CCDC186: variants seen among roughly 807,000 people sequenced by gnomAD.
CCDC186 encodes the protein coiled-coil domain containing 186.
Under a neutral mutation model 113.7 loss-of-function variants are expected in CCDC186, and 49 were observed. That is an observed-to-expected ratio of 0.43 (90% CI 0.34 to 0.55). The LOEUF (loss-of-function observed/expected upper bound fraction) is 0.55, where lower values mean the gene tolerates loss of function less well. Ranked by LOEUF, CCDC186 falls within the 20% of genes least tolerant of loss-of-function variation. The probability of loss-of-function intolerance (pLI) is 0.02; values close to 1 mark genes in which losing one functional copy is unlikely to be tolerated. For missense variants in CCDC186, 890 were observed against 1,011.1 expected (o/e 0.88, Z 1.62); for synonymous variants, 355 against 345.8 (o/e 1.03, Z -0.30).
At chr10:114,157,702 T>A (rs373973609) in intron 2 of CCDC186, 22 bp from the exon 3 acceptor site, 1 of 1,533,260 alleles carries the variant, frequency 6.5e-7, no homozygotes, top group African/African-American at 1.4e-5. Flanking sequence ...AAGGGCAGTG[T>A]ATGTAAAACA....
At chr10:114,145,821 G>C in intron 4 of CCDC186, 60 bp from the exon 5 acceptor site, 2 of 1,414,806 alleles carry the variant, frequency 1.4e-6, no homozygotes, top group Non-Finnish European at 1.9e-6. Context: ...GAAATGTATT[G>C]AAATACATGG....
At chr10:114,127,963 G>A (rs1469836710) in intron 13 of CCDC186, among the ~76,000 whole-genome samples, 1 of 152,160 alleles carries the variant, frequency 6.6e-6, no homozygotes, top group East Asian at 1.9e-4. Flanking sequence ...ACAAAGCAGA[G>A]AGGAGGAGGA....
chr10:114,129,987 G>A lies in CCDC186; in HGVS notation c.2102-16C>T. On this transcript the variant is annotated splice_polypyrimidine_tract_variant and intron_variant, in intron 12 of 15. Coordinates refer to ENST00000369287, the MANE Select transcript of CCDC186 (RefSeq NM_018017.4). ...TTTCTTCGTGCTATAGGAAAAAGAA[G>A]ATTATTCGTCACAATTATCAGGACC... 6.2e-7 allele frequency: 1 copy of A among 1,609,244 alleles called. No individual in the cohort carries two copies. Among genetic ancestry groups the A allele is most frequent in the Non-Finnish European group, 8.5e-7 (1 of 1,176,468 alleles).
chr10:114,137,337 G>T, intron 6 of CCDC186, 47 bp from the exon 7 acceptor site: 1 of 1,375,264 alleles, frequency 7.3e-7, no homozygotes. Flanking sequence ...GCAACGTGAT[G>T]AATGGTAAGA....
rs773450184 is a variant in CCDC186 at position 114,127,644 on chromosome 10, T to C, written c.2210A>G (p.Glu737Gly). Residue 737 changes from glutamate (E) to glycine (G), a missense_variant, in exon 14 of 16, where the codon GAA (glutamate) becomes GGA (glycine). Transcript: ENST00000369287. ...SGSLNARSSA[E>G]DRSPENTGSS... ...CCCAGTATTTTCTGGAGATCGATCT[T>C]CTGCACTGCTTCGAGCATTCAGGGA... 1 of 1,614,024 alleles carries C rather than the reference T, an allele frequency of 6.2e-7. No individual in the cohort carries two copies. Among genetic ancestry groups the C allele is most frequent in the South Asian group, 1.1e-5 (1 of 91,066 alleles).
rs1211470069 is a variant in CCDC186, at chr10:114,157,621, T to C, written c.692A>G (p.Asp231Gly). ...TTTCTTTAGTTCTTCTCTTAAATTG[T>C]CTTTTTCTGAACAAATGTCTACGAA... ...ELFVDICSEK[D>G]NLREELKKRT... The change falls in exon 3 of 16, where the codon GAC (aspartate) becomes GGC (glycine). Residue 231 changes from aspartate (D) to glycine (G), a missense_variant. Coordinates refer to ENST00000369287, the MANE Select transcript of CCDC186 (RefSeq NM_018017.4). The C allele has an allele frequency of 6.2e-7, 1 of 1,610,658 alleles. No individual in the cohort carries two copies. The highest frequency in any genetic ancestry group is 8.5e-7 in the Non-Finnish European group (1 of 1,178,554).
intron 1 of CCDC186, among the ~76,000 whole-genome samples, chr10:114,169,636 G>T (rs889290880): frequency 2.0e-5 from 3 of 151,996 alleles, no homozygotes; most frequent in Non-Finnish European, 4.4e-5. Flanking sequence ...TCAATATAAT[G>T]GTTTATTGTC....
intron 14 of CCDC186, among the ~76,000 whole-genome samples, chr10:114,126,933 C>T (rs572396493): frequency 6.6e-6 from 1 of 152,204 alleles, no homozygotes; most frequent in South Asian, 2.1e-4. Flanking sequence ...AGGTCTGTCA[C>T]ACAGGGGATG....
At chr10:114,167,963 G>C (rs2032384946) in intron 1 of CCDC186, among the ~76,000 whole-genome samples, 1 of 152,018 alleles carries the variant, frequency 6.6e-6, no homozygotes, top group Admixed American at 6.6e-5. Context: ...TCCAGCCTGA[G>C]CAAGAGTGAG....
chr10:114,134,401 G>A (rs1331338518), intron 10 of CCDC186, among the ~76,000 whole-genome samples: 1 of 152,174 alleles, frequency 6.6e-6, no homozygotes, highest in Non-Finnish European at 1.5e-5. Context: ...ATGATGGTAA[G>A]GATTTTTTTA....
At position 114,124,619 on chromosome 10, in the gene CCDC186, A is replaced by G. The variant is rs2119666630; in HGVS notation, c.*524T>C. 6.6e-6 allele frequency: 1 copy of G among 152,386 alleles called. No homozygotes were observed. The highest frequency in any genetic ancestry group is 1.5e-5 in the Non-Finnish European group (1 of 68,048). The allele number at this position is 152,386 out of a possible 1,614,324, so 9.4% of individuals were successfully genotyped here. On this transcript the variant is annotated 3_prime_UTR_variant, in exon 16 of 16. Transcript: ENST00000369287. ...TTTCCTATTAAGTTCAGCTTTCATT[A>G]AAACTGAAATTAAAAGATTTAAATA...
intron 1 of CCDC186, among the ~76,000 whole-genome samples, chr10:114,165,283 G>C (rs2032302244): frequency 1.3e-5 from 2 of 152,330 alleles, no homozygotes; most frequent in South Asian, 4.1e-4. Context: ...CAAATAAACG[G>C]AGTAAATAAA....
At position 114,134,920 on chromosome 10, in the gene CCDC186, G is replaced by A; in HGVS notation, c.1648C>T (p.Leu550Phe). 1.2e-6 allele frequency: 2 copies of A among 1,608,082 alleles called. No individual in the cohort carries two copies. Among genetic ancestry groups the A allele is most frequent in the Non-Finnish European group, 8.5e-7 (1 of 1,178,328 alleles). ...VKTADQLQEQ[L>F]QRGKQEIENL... ...AAGTTGCTCATTTTGTACCTTTGAA[G>A]CTGCTCCTGTAGCTGATCTGCAGTT... The change falls in exon 10 of 16, where the codon CTT becomes TTT. Residue 550 changes from leucine to phenylalanine, a missense_variant. By Grantham distance (22) the Leu-to-Phe change is conservative. Coordinates refer to ENST00000369287, the MANE Select transcript of CCDC186 (RefSeq NM_018017.4).
At chr10:114,145,500 G>C in intron 5 of CCDC186, 49 bp downstream of exon 5, 3 of 1,433,082 alleles carry the variant, frequency 2.1e-6, no homozygotes, top group Non-Finnish European at 2.8e-6. Flanking sequence ...AAAGCAAAGA[G>C]AACAAATTTC....
chr10:114,132,024 A>T lies in CCDC186; in HGVS notation c.1816T>A (p.Ser606Thr). ...TCAAATTGTGACTGCAAAGAATTGG[A>T]TTCAGACTGAAGCTGTGCATTCTTA... ...TSKNAQLQSESNSLQSQFDKV... is the reference protein window; with the variant it reads ...TSKNAQLQSETNSLQSQFDKV... Residue 606 changes from serine to threonine, a missense_variant, in exon 11 of 16, where the codon TCC becomes ACC. Physicochemically the swap from Ser to Thr is moderately conservative, Grantham distance 58 (BLOSUM62 1). Transcript: ENST00000369287. 1 of 1,613,414 alleles carries T rather than the reference A, an allele frequency of 6.2e-7. No homozygotes were observed. The highest frequency in any genetic ancestry group is 8.5e-7 in the Non-Finnish European group (1 of 1,179,704).
chr10:114,150,674 A>C (rs1422432214), intron 4 of CCDC186, among the ~76,000 whole-genome samples: 1 of 152,006 alleles, frequency 6.6e-6, no homozygotes, highest in African/African-American at 2.4e-5. Context: ...TTTTAGACAG[A>C]GTCTTGCTTT....
chr10:114,154,166 G>A (rs1196144962), intron 3 of CCDC186, among the ~76,000 whole-genome samples: 11 of 145,970 alleles, frequency 7.5e-5, no homozygotes, highest in African/African-American at 2.0e-4. Context: ...AACCGAGATC[G>A]CAACATCGCA....
At position 114,135,988 on chromosome 10, in the gene CCDC186, G is replaced by A. The variant is rs759362524; in HGVS notation, c.1426-11C>T. 7.5e-6 allele frequency: 12 copies of A among 1,601,450 alleles called. No individual in the cohort carries two copies. In the Admixed American group the frequency reaches 1.8e-4, roughly 25 times the overall value. ...TTTGGCATGATGCATCTTTAAAAAA[G>A]TTTAAAAGAAACAACAAATCATAAT... On this transcript the variant is annotated splice_polypyrimidine_tract_variant and intron_variant, in intron 8 of 15. Transcript: ENST00000369287.
At chr10:114,135,147 T>A in intron 9 of CCDC186, 92 bp from the exon 10 acceptor site, 1 of 1,256,020 alleles carries the variant, frequency 8.0e-7, no homozygotes, top group Non-Finnish European at 1.0e-6. Flanking sequence ...AATCTAAAAA[T>A]TCTAAAGCAC....
Sources: gnomAD v4.1 joint callset for allele counts (sites outside exome capture counted in the v4.1 genomes callset) on GRCh38, gnomAD v4.1.1 for gene constraint, MANE v1.5 for transcripts, NCBI Gene and HGNC (gene_info 2026-07-23, HGNC 2026-07-21) for gene names.